The following LCN6 variants were observed in gnomAD, a reference collection of about 807,000 sequenced individuals.
LCN6 encodes the protein lipocalin 6.
LCN6 carries 20 observed loss-of-function variants against 21.4 expected under a neutral mutation model. The observed-to-expected ratio is 0.93, with a 90% confidence interval of 0.66 to 1.36. LCN6 has a LOEUF of 1.36. LCN6 is among the 40% of genes most tolerant of loss of function. LCN6 has a pLI of 0.00. For missense variants in LCN6, 217 were observed against 206.6 expected (o/e 1.05, Z -0.31); for synonymous variants, 96 against 89.0 (o/e 1.08, Z -0.44).
chr9:136,747,410 A>ACCCG lies in LCN6; in HGVS notation c.230+10_230+13dup. 1 of 1,611,170 alleles carries ACCCG rather than the reference A, an allele frequency of 6.2e-7. No homozygotes were observed. ...CCTGCCTGCGGGAAGGCCTGGCAGG[A>ACCCG]CCCGCCCACTCACCCGTGCTGAGAG... is the stretch of plus-strand genomic sequence containing the variant. On this transcript the variant is annotated intron_variant, in intron 2 of 6. Coordinates refer to ENST00000341206, the MANE Select transcript of LCN6 (RefSeq NM_198946.3).
At chr9:136,747,784 C>T (rs1847067410) in intron 1 of LCN6, among the ~76,000 whole-genome samples, 2 of 150,440 alleles carry the variant, frequency 1.3e-5, no homozygotes, top group South Asian at 2.1e-4. Flanking sequence ...CTCCAGCCTC[C>T]AGTCTCCAAC....
rs1206832013 is a variant in LCN6 at position 136,748,515 on chromosome 9, G to A, written c.-32C>T. The A allele has an allele frequency of 1.3e-6, 2 of 1,599,182 alleles. No individual in the cohort carries two copies. Among genetic ancestry groups the A allele is most frequent in the Non-Finnish European group, 1.7e-6 (2 of 1,170,780 alleles). ...AGGTCTACACTGCGCCGCAGGCCCA[G>A]GATGTGCAGTCCCTCCAGGCCCTGG... On this transcript the variant is annotated 5_prime_UTR_variant, in exon 1 of 7. Transcript: ENST00000341206.
chr9:136,744,875 A>C lies in LCN6; in HGVS notation c.413-134T>G, dbSNP rs1316321640. On this transcript the variant is annotated intron_variant, in intron 4 of 6. Transcript: ENST00000341206. This position sits in a 1 kb window ranked among gnomAD's most constrained non-coding sequence, Gnocchi z 4.2. The stretch of plus-strand genomic sequence containing the variant: ...CCCCGGTCCTTCCAAAGCCACCTCC[A>C]GTGCAGCGAGCCTCAAGGTGGGGGA... 1.0e-5 allele frequency: 7 copies of C among 693,010 alleles called. No homozygotes were observed. The East Asian group carries it at 1.6e-4, about 16-fold the overall frequency. 42.9% of individuals were successfully genotyped at this position (693,010 alleles called of 1,614,324 possible).
Position 136,745,200 on chromosome 9 carries a change from C to A in LCN6, c.382G>T (p.Asp128Tyr). The change falls in exon 4 of 7, where the codon GAC becomes TAC. Residue 128 changes from aspartate to tyrosine, a missense_variant. Coordinates refer to ENST00000341206, the MANE Select transcript of LCN6 (RefSeq NM_198946.3). ...AGCTCCACGGTGTTGAAGGGCTCGT[C>A]CCCGAACTCCAGCTGAGTGAAGATG... ...AIIFTQLEFG[D>Y]EPFNTVELYS... 1 of 1,613,522 alleles carries A rather than the reference C, an allele frequency of 6.2e-7. No individual in the cohort carries two copies. The highest frequency in any genetic ancestry group is 1.3e-5 in the African/African-American group (1 of 75,048).
chr9:136,747,668 C>A, intron 1 of LCN6, 105 bp from the exon 2 acceptor site: 1 of 963,332 alleles, frequency 1.0e-6, no homozygotes, highest in Non-Finnish European at 1.5e-6. Context: ...CCAGCCTCAG[C>A]CTCCACCCTC....
At chr9:136,748,196 C>T (rs1322438564) in intron 1 of LCN6, among the ~76,000 whole-genome samples, 198 bp downstream of exon 1, 1 of 152,204 alleles carries the variant, frequency 6.6e-6, no homozygotes, top group Non-Finnish European at 1.5e-5. Context: ...TTCTCCAGCC[C>T]TCCAGCCTCC....
intron 4 of LCN6, 43 bp downstream of exon 4, chr9:136,745,127 G>A (rs528690546): frequency 9.1e-6 from 5 of 552,004 alleles, no homozygotes; most frequent in African/African-American, 2.4e-5. Flanking sequence ...AGTGGCCCAC[G>A]CACCACACAG....
In LCN6 at chr9:136,744,682, G is replaced by A; in HGVS notation, c.472C>T (p.Leu158=). 2 of 1,609,358 alleles carry A rather than the reference G, an allele frequency of 1.2e-6. No individual in the cohort carries two copies. The highest frequency in any genetic ancestry group is 1.7e-6 in the Non-Finnish European group (2 of 1,177,288). ...MGLFTKWSRS[L]GFLSQ ...GCCTGCTACTGTGACAGGAAGCCCAGGCTCCTGCTCCACTTGGTGAAGAGC... is the reference window on the plus strand; with the variant it reads ...GCCTGCTACTGTGACAGGAAGCCCAAGCTCCTGCTCCACTTGGTGAAGAGC... Residue 158 remains leucine (L), a synonymous_variant, in exon 5 of 7, where the codon CTG becomes TTG. Transcript: ENST00000341206. This position sits in a 1 kb window ranked among gnomAD's most constrained non-coding sequence, Gnocchi z 4.2.
rs1296897550 is a variant in LCN6, at chr9:136,747,420, TC to T, written c.230+3del. 1.9e-6 allele frequency: 3 copies of T among 1,612,180 alleles called. No homozygotes were observed. The highest frequency in any genetic ancestry group is 2.5e-6 in the Non-Finnish European group (3 of 1,179,502). ...GGAAGGCCTGGCAGGACCCGCCCACTCACCCGTGCTGAGAGGACAGCGTCCG... is the reference window on the plus strand; with the variant it reads ...GGAAGGCCTGGCAGGACCCGCCCACTACCCGTGCTGAGAGGACAGCGTCCG... On this transcript the variant is annotated splice_donor_region_variant and intron_variant, in intron 2 of 6. Transcript: ENST00000341206.
At chr9:136,746,644 C>A (rs746291125) in intron 2 of LCN6, among the ~76,000 whole-genome samples, 14 of 152,080 alleles carry the variant, frequency 9.2e-5, no homozygotes, top group Non-Finnish European at 2.1e-4. Context: ...GGGGCCCCTG[C>A]CCATACCCTG....
At chr9:136,746,199 G>C (rs1847034313) in intron 2 of LCN6, among the ~76,000 whole-genome samples, 1 of 150,388 alleles carries the variant, frequency 6.6e-6, no homozygotes, top group East Asian at 2.0e-4. Flanking sequence ...CGACAGACGG[G>C]AGGTTCGCCC....
intron 3 of LCN6, 58 bp from the exon 4 acceptor site, chr9:136,745,338 C>G (rs368780720): frequency 2.5e-6 from 3 of 1,218,186 alleles, no homozygotes; most frequent in Non-Finnish European, 3.6e-6. Context: ...ATCCAGGGGC[C>G]GCTGAGCTGA....
chr9:136,747,729 T>TCTAGCC (rs1847065646), intron 1 of LCN6, among the ~76,000 whole-genome samples, 166 bp from the exon 2 acceptor site: 2 of 60,864 alleles, frequency 3.3e-5, no homozygotes, highest in African/African-American at 9.6e-5. Context: ...GCCTCCAGCC[T>TCTAGCC]TCCAGCCCTG....
intron 2 of LCN6, 26 bp from the exon 3 acceptor site, chr9:136,745,940 A>G: frequency 6.2e-7 from 1 of 1,609,572 alleles, no homozygotes; most frequent in South Asian, 1.1e-5. Context: ...CCTGTCACCC[A>G]CTCAGGGTCA....
intron 2 of LCN6, chr9:136,746,149 C>G (rs1378836086): frequency 1.3e-5 from 7 of 540,610 alleles, no homozygotes; most frequent in Non-Finnish European, 2.3e-5. Context: ...CAGATCTCCA[C>G]CAGGAACGCT....
At chr9:136,747,097 C>A in intron 2 of LCN6, 2 of 288,980 alleles carry the variant, frequency 6.9e-6, no homozygotes, top group South Asian at 8.7e-5. Flanking sequence ...AAAAGGCCTG[C>A]TGAGAGGACA....
At chr9:136,745,025 C>T in intron 4 of LCN6, 145 bp downstream of exon 4, 2 of 790,634 alleles carry the variant, frequency 2.5e-6, no homozygotes, top group Non-Finnish European at 4.2e-6. Flanking sequence ...ACACAGCTCC[C>T]CACATGGCCC....
At chr9:136,745,779 C>T (rs1035180820) in intron 3 of LCN6, 65 bp downstream of exon 3, 22 of 1,454,350 alleles carry the variant, frequency 1.5e-5, no homozygotes, top group African/African-American at 1.4e-4. Flanking sequence ...CGTCCCTGCC[C>T]GCAGGGGGCC....
Position 136,745,029 on chromosome 9 carries a change from A to G in LCN6, c.412+141T>C, listed in dbSNP as rs79866990. 702 of 755,760 alleles carry G rather than the reference A, an allele frequency of 9.3e-4. 23 individuals carry two copies. Among genetic ancestry groups the G allele is most frequent in the African/African-American group, 9.0e-3 (446 of 49,650 alleles). 46.8% of individuals were successfully genotyped at this position (755,760 alleles called of 1,614,324 possible). A position where few individuals can be genotyped will look rare whatever the true frequency, so the allele number is the denominator to read the frequency against. On this transcript the variant is annotated intron_variant, in intron 4 of 6. Coordinates refer to ENST00000341206, the MANE Select transcript of LCN6 (RefSeq NM_198946.3). ...GCCCACTCACCACACAGCTCCCCACATGGCCCCCGAGCGGCCCACTCACCA... is the reference window on the plus strand; with the variant it reads ...GCCCACTCACCACACAGCTCCCCACGTGGCCCCCGAGCGGCCCACTCACCA...
Sources: gnomAD v4.1 joint callset for allele counts (sites outside exome capture counted in the v4.1 genomes callset) on GRCh38, gnomAD v4.1.1 for gene constraint, Gnocchi (gnomAD v3.1) non-coding constraint, MANE v1.5 for transcripts, NCBI Gene and HGNC (gene_info 2026-07-23, HGNC 2026-07-21) for gene names.